The following PIGX variants were observed in gnomAD, a reference collection of about 807,000 sequenced individuals.
PIGX encodes GPI alpha-1,4-mannosyltransferase I, stabilizing subunit.
In PIGX, 24 loss-of-function variants were observed where a neutral mutation model predicts 28.7. That is an observed-to-expected ratio of 0.84 (90% CI 0.60 to 1.17). The LOEUF is 1.17. PIGX is among the 50% of genes most tolerant of loss of function. PIGX has a pLI of 0.00. For missense variants in PIGX, 305 were observed against 317.8 expected, an observed-to-expected ratio of 0.96 and a Z score of 0.31; for synonymous variants, 127 against 121.0, an observed-to-expected ratio of 1.05 and a Z score of -0.33.
chr3:196,723,746 CTG>C (rs1302389406), intron 3 of PIGX, among the ~76,000 whole-genome samples: 1 of 151,346 alleles, frequency 6.6e-6, no homozygotes, highest in African/African-American at 2.4e-5. Context: ...ATTTTTAAAA[CTG>C]TAAAATAGAT....
intron 1 of PIGX, among the ~76,000 whole-genome samples, chr3:196,715,633 A>T (rs561441381): frequency 6.6e-6 from 1 of 152,180 alleles, no homozygotes; most frequent in East Asian, 1.9e-4. Context: ...GCAATATTCA[A>T]TGATAATAAC....
intron 3 of PIGX, among the ~76,000 whole-genome samples, chr3:196,727,320 A>G (rs1029807033): frequency 6.6e-6 from 1 of 152,228 alleles, no homozygotes; most frequent in African/African-American, 2.4e-5. Flanking sequence ...GTACATTTTC[A>G]CTTTTGGTGT....
At chr3:196,727,540 A>G (rs1483868582) in intron 3 of PIGX, among the ~76,000 whole-genome samples, 1 of 152,208 alleles carries the variant, frequency 6.6e-6, no homozygotes, top group African/African-American at 2.4e-5. Flanking sequence ...TTTTAACTCA[A>G]TACAGGTTTA....
At position 196,734,073 on chromosome 3, in the gene PIGX, T is replaced by G. The variant is rs1712921837; in HGVS notation, c.*171T>G. 1.8e-6 allele frequency: 1 copy of G among 544,994 alleles called. No homozygotes were observed. Among genetic ancestry groups the G allele is most frequent in the Non-Finnish European group, 3.3e-6 (1 of 307,124 alleles). The allele number at this position is 544,994 out of a possible 1,614,324, so 33.8% of individuals were successfully genotyped here. ...CTCAGCTAATTCCAAAATGTAGTGC[T>G]CTATTGCATGGATCCTTGGTAATCC... On this transcript the variant is annotated 3_prime_UTR_variant, in exon 6 of 6. Transcript: ENST00000392391.
chr3:196,732,212 TTATTTATATATATATATATATA>T (rs1712791807), intron 5 of PIGX, among the ~76,000 whole-genome samples: 1 of 52,254 alleles, frequency 1.9e-5, no homozygotes, highest in Non-Finnish European at 3.8e-5. Context: ...TATGTATATA[TTATTTATATATATATATATATA>T]TATATATATA....
intron 5 of PIGX, among the ~76,000 whole-genome samples, chr3:196,732,257 T>TGTA (rs1326451678): frequency 5.5e-5 from 2 of 36,180 alleles, no homozygotes; most frequent in Non-Finnish European, 9.7e-5. Context: ...TATATATATA[T>TGTA]TTTATTTTAT....
At chr3:196,715,143 C>T (rs1312604875) in intron 1 of PIGX, among the ~76,000 whole-genome samples, 2 of 152,032 alleles carry the variant, frequency 1.3e-5, no homozygotes, top group Non-Finnish European at 1.5e-5. Flanking sequence ...GTACAAGATA[C>T]ATATGGAATT....
chr3:196,712,392 G>C lies in PIGX; in HGVS notation c.-141G>C, dbSNP rs844543. On this transcript the variant is annotated 5_prime_UTR_variant, in exon 1 of 6. Transcript: ENST00000392391. Reference sequence around the variant, plus strand: ...GGCTGCAGGCAGCTGGGAACCGCGGGCGCTAGGCGCGCGCACCCAGCACTC... The same window carrying C: ...GGCTGCAGGCAGCTGGGAACCGCGGCCGCTAGGCGCGCGCACCCAGCACTC... 1 of 326,090 alleles carries C rather than the reference G, an allele frequency of 3.1e-6. No homozygotes were observed. Among genetic ancestry groups the C allele is most frequent in the African/African-American group, 2.2e-5 (1 of 45,508 alleles). The allele number at this position is 326,090 out of a possible 1,614,324, so 20.2% of individuals were successfully genotyped here.
At chr3:196,713,858 AAAG>A (rs1323571822) in intron 1 of PIGX, among the ~76,000 whole-genome samples, 2 of 148,414 alleles carry the variant, frequency 1.3e-5, no homozygotes, top group African/African-American at 5.0e-5. Flanking sequence ...AAAAAAGGAA[AAAG>A]AAGTCAATTT....
At chr3:196,718,280 A>G (rs931278581) in intron 2 of PIGX, among the ~76,000 whole-genome samples, 1 of 152,088 alleles carries the variant, frequency 6.6e-6, no homozygotes, top group Non-Finnish European at 1.5e-5. Context: ...ACCGCACTTC[A>G]GCCTGGCAAC....
chr3:196,732,513 C>G (rs909948322), intron 5 of PIGX, among the ~76,000 whole-genome samples: 1 of 150,794 alleles, frequency 6.6e-6, no homozygotes, highest in Non-Finnish European at 1.5e-5. Context: ...AACTCCTGAC[C>G]TCATGATCCG....
chr3:196,729,298 A>G (rs1047702737), intron 4 of PIGX, among the ~76,000 whole-genome samples: 4 of 151,822 alleles, frequency 2.6e-5, no homozygotes, highest in African/African-American at 9.7e-5. Flanking sequence ...ACACCACTGC[A>G]CTCTAGCCTG....
chr3:196,715,160 T>A (rs1384943462), intron 1 of PIGX, among the ~76,000 whole-genome samples: 1 of 152,210 alleles, frequency 6.6e-6, no homozygotes, highest in Non-Finnish European at 1.5e-5. Flanking sequence ...AATTTGGGGA[T>A]TTGTTTATTC....
chr3:196,713,428 A>G (rs1577666031), intron 1 of PIGX, among the ~76,000 whole-genome samples: 1 of 151,414 alleles, frequency 6.6e-6, no homozygotes, highest in Admixed American at 6.6e-5. Context: ...TCAGCCTCCC[A>G]AGTAGCTGGG....
intron 1 of PIGX, chr3:196,712,985 C>CT: frequency 1.0e-6 from 1 of 995,986 alleles, no homozygotes; most frequent in Non-Finnish European, 1.2e-6. Context: ...CAGGCAAGGC[C>CT]TTAGCGCCCT....
chr3:196,723,720 T>C (rs966230773), intron 3 of PIGX, among the ~76,000 whole-genome samples: 22 of 152,030 alleles, frequency 1.4e-4, no homozygotes, highest in African/African-American at 5.1e-4. Flanking sequence ...TTGATAAGAT[T>C]ATAATCTACT....
chr3:196,724,022 G>GTTTTTTTTTTTTTTTTTTTTTATT (rs1462271791), intron 3 of PIGX, among the ~76,000 whole-genome samples: 1 of 129,978 alleles, frequency 7.7e-6, no homozygotes, highest in African/African-American at 2.8e-5. Context: ...TTAATTTAAT[G>GTTTTTTTTTTTTTTTTTTTTTATT]TTTTTTTTTT....
chr3:196,716,549 A>G (rs945605141), intron 1 of PIGX, among the ~76,000 whole-genome samples: 1 of 152,194 alleles, frequency 6.6e-6, no homozygotes, highest in African/African-American at 2.4e-5. Flanking sequence ...TTCTACTTAC[A>G]TTAAATTCTT....
At position 196,732,292 on chromosome 3, in the gene PIGX, T is replaced by A. The variant is rs1306007405; in HGVS notation, c.633+1200T>A. On this transcript the variant is annotated intron_variant, in intron 5 of 5. Coordinates refer to ENST00000392391, the MANE Select transcript of PIGX (RefSeq NM_017861.4). ...TTTTATTTTTTTTTTTATTTTATTTTTTTTTTTGAGACGGAGTCTCGCTCT... is the reference window on the plus strand; with the variant it reads ...TTTTATTTTTTTTTTTATTTTATTTATTTTTTTGAGACGGAGTCTCGCTCT... Among the ~76,000 whole-genome samples, 347 of 105,616 alleles carry A rather than the reference T, an allele frequency of 3.3e-3. 30 individuals carry two copies. Among genetic ancestry groups the A allele is most frequent in the African/African-American group, 0.012 (322 of 25,838 alleles). The allele number at this position is 105,616 out of a possible 152,430, so 69.3% of individuals were successfully genotyped here. A position where few individuals can be genotyped will look rare whatever the true frequency, so the allele number is the denominator to read the frequency against.
Sources: allele counts gnomAD v4.1 joint callset (sites outside exome capture counted in the v4.1 genomes callset), GRCh38; gene constraint gnomAD v4.1.1; transcripts MANE v1.5; gene names NCBI Gene and HGNC (gene_info 2026-07-23, HGNC 2026-07-21).